Variants in AKAP13 observed in about 807,000 individuals in gnomAD.
AKAP13 encodes the protein A-kinase anchoring protein 13, also known as A-kinase anchor protein 13.
In AKAP13, 80 loss-of-function variants were observed where a neutral mutation model predicts 264.5. The observed-to-expected ratio is 0.30, with a 90% CI of 0.25 to 0.36. The LOEUF (loss-of-function observed/expected upper bound fraction) is 0.36, where lower values mean the gene tolerates loss of function less well. AKAP13 is among the 10% of genes least tolerant of loss of function. The pLI is 1.00. For synonymous variants in AKAP13, 1,380 were observed against 1,250.2 expected, an observed-to-expected ratio of 1.10 and a Z score of -2.19; for missense variants, 3,712 against 3,435.2, an observed-to-expected ratio of 1.08 and a Z score of -2.01.
At chr15:85,690,475 T>G (rs999874307) in intron 16 of AKAP13, among the ~76,000 whole-genome samples, 1 of 152,242 alleles carries the variant, frequency 6.6e-6, no homozygotes, top group African/African-American at 2.4e-5. Flanking sequence ...CTTTAGTGAT[T>G]ACCAATTTTC....
intron 8 of AKAP13, among the ~76,000 whole-genome samples, chr15:85,631,199 A>G (rs2081781430): frequency 6.6e-6 from 1 of 152,186 alleles, no homozygotes; most frequent in Admixed American, 6.5e-5. Flanking sequence ...GTGTGACTCT[A>G]TTTGTATGAA....
chr15:85,505,905 A>T (rs1185194677), intron 2 of AKAP13, among the ~76,000 whole-genome samples: 1 of 152,214 alleles, frequency 6.6e-6, no homozygotes, highest in African/African-American at 2.4e-5. Flanking sequence ...CTTAAGGGCA[A>T]CTGAGCTAAA....
intron 2 of AKAP13, among the ~76,000 whole-genome samples, chr15:85,510,663 A>G (rs1000837464): frequency 6.6e-6 from 1 of 152,244 alleles, no homozygotes; most frequent in African/African-American, 2.4e-5. Context: ...ACAGATGAAC[A>G]ATTATATCTT....
At chr15:85,642,155 T>G (rs572571474) in intron 9 of AKAP13, among the ~76,000 whole-genome samples, 2 of 152,210 alleles carry the variant, frequency 1.3e-5, no homozygotes, top group Non-Finnish European at 2.9e-5. Flanking sequence ...CTTAACTTCA[T>G]TAGACACATA....
At chr15:85,629,995 G>T (rs1052705654) in intron 8 of AKAP13, among the ~76,000 whole-genome samples, 1 of 151,470 alleles carries the variant, frequency 6.6e-6, no homozygotes, top group Non-Finnish European at 1.5e-5. Flanking sequence ...GCCCAGGCTG[G>T]TCTTGAACTC....
intron 1 of AKAP13, among the ~76,000 whole-genome samples, chr15:85,484,820 G>T (rs1739397625): frequency 1.3e-5 from 2 of 152,150 alleles, no homozygotes; most frequent in South Asian, 4.1e-4. Flanking sequence ...TTGTTATTTT[G>T]TCTGTGTTTT....
intron 1 of AKAP13, among the ~76,000 whole-genome samples, chr15:85,441,948 A>T (rs1321304962): frequency 6.6e-6 from 1 of 152,106 alleles, no homozygotes; most frequent in East Asian, 1.9e-4. Flanking sequence ...GCCCTTTAAG[A>T]AGATATTCAC....
Position 85,746,608 on chromosome 15 carries a change from ACCTGCT to A in AKAP13, c.*1932_*1937del, listed in dbSNP as rs918334865. On this transcript the variant is annotated 3_prime_UTR_variant, in exon 37 of 37. Transcript: ENST00000394518. ...CTTCAGAAACAGACCAAAGGCCAAAACCTGCTGATTTTTCTATTGAAAATATGTCCC... is the reference window on the plus strand; with the variant it reads ...CTTCAGAAACAGACCAAAGGCCAAAAGATTTTTCTATTGAAAATATGTCCC... The A allele has an allele frequency of 3.3e-5, 5 of 152,126 alleles. No homozygotes were observed. The highest frequency in any genetic ancestry group is 1.2e-4 in the African/African-American group (5 of 41,408). 9.4% of individuals were successfully genotyped at this position (152,126 alleles called of 1,614,324 possible). A position where few individuals can be genotyped will look rare whatever the true frequency, so the allele number is the denominator to read the frequency against.
intron 1 of AKAP13, among the ~76,000 whole-genome samples, chr15:85,381,247 G>C (rs1032920286): frequency 5.9e-5 from 9 of 152,064 alleles, no homozygotes; most frequent in African/African-American, 2.2e-4. Context: ...CGTGGAGTCC[G>C]CGCCGTGAAC....
rs144106205 is a variant in AKAP13, at chr15:85,747,006, G to A, written c.*2329G>A. 20 of 152,358 alleles carry A rather than the reference G, an allele frequency of 1.3e-4. No individual in the cohort carries two copies. In the East Asian group the frequency reaches 3.9e-3, roughly 29 times the overall value. 9.4% of individuals were successfully genotyped at this position (152,358 alleles called of 1,614,324 possible). A position where few individuals can be genotyped will look rare whatever the true frequency, so the allele number is the denominator to read the frequency against. On this transcript the variant is annotated 3_prime_UTR_variant, in exon 37 of 37. Transcript: ENST00000394518. Reference sequence around the variant, plus strand: ...GGTCTCTTACTCCCCGCCCAGCTGTGATGTTTCATCTGCTTTGGTTGTTTT... The same window carrying A: ...GGTCTCTTACTCCCCGCCCAGCTGTAATGTTTCATCTGCTTTGGTTGTTTT...
In AKAP13 at chr15:85,645,937, A is replaced by G; in HGVS notation, c.4357A>G (p.Ser1453Gly). The G allele has an allele frequency of 6.2e-7, 1 of 1,613,626 alleles. No homozygotes were observed. Among genetic ancestry groups the G allele is most frequent in the Non-Finnish European group, 8.5e-7 (1 of 1,179,916 alleles). The change falls in exon 10 of 37, where the codon AGC (serine) becomes GGC (glycine). Residue 1453 changes from serine (S) to glycine (G), a missense_variant. Around this residue, in one of 3 missense-constraint regions of AKAP13, gnomAD observed 2,759 missense variants for 2,411.7 expected, o/e 1.14. Transcript: ENST00000394518. ...TCACTCACCCAGTGATGACATGGACAGCATCATCTTCCCAAAGGTACTGTG... is the reference window on the plus strand; with the variant it reads ...TCACTCACCCAGTGATGACATGGACGGCATCATCTTCCCAAAGGTACTGTG... Reference protein sequence around the residue: ...LFHSPSDDMDSIIFPKPEEEH... With the variant: ...LFHSPSDDMDGIIFPKPEEEH...
intron 8 of AKAP13, among the ~76,000 whole-genome samples, chr15:85,587,637 C>A (rs1370584012): frequency 6.6e-6 from 1 of 151,990 alleles, no homozygotes; most frequent in African/African-American, 2.4e-5. Context: ...AAGCTATTAA[C>A]TTTTATTTTA....
intron 1 of AKAP13, chr15:85,481,161 G>C (rs1716446014): frequency 6.6e-6 from 1 of 152,130 alleles, no homozygotes; most frequent in Admixed American, 6.5e-5. Flanking sequence ...TCATGCCTGA[G>C]TTTCTCTGTG....
At chr15:85,563,329 GT>G (rs1184437606) in intron 5 of AKAP13, among the ~76,000 whole-genome samples, 2,300 of 54,246 alleles carry the variant, frequency 0.042, 63 homozygotes, top group African/African-American at 0.091. Context: ...GAATGTGCTT[GT>G]TTTTTTTTTT....
chr15:85,430,776 C>T (rs2072992851), intron 1 of AKAP13, among the ~76,000 whole-genome samples: 1 of 152,160 alleles, frequency 6.6e-6, no homozygotes, highest in South Asian at 2.1e-4. Flanking sequence ...TGTACATTGG[C>T]CTAATATTTA....
chr15:85,736,265 G>A (rs2088493103), intron 33 of AKAP13, 131 bp downstream of exon 33: 10 of 704,270 alleles, frequency 1.4e-5, no homozygotes, highest in Middle Eastern at 4.0e-4. Flanking sequence ...TCATCTGTAT[G>A]TGTAAACAAT....
chr15:85,465,032 C>T (rs7402791), intron 1 of AKAP13, among the ~76,000 whole-genome samples: 81,744 of 151,552 alleles, frequency 0.54, 22,743 homozygotes, highest in Admixed American at 0.64. Flanking sequence ...GCTCCGCCTC[C>T]TGGGTTCATG....
chr15:85,481,573 G>T (rs886717148), intron 1 of AKAP13, among the ~76,000 whole-genome samples: 2 of 152,334 alleles, frequency 1.3e-5, no homozygotes, highest in African/African-American at 2.4e-5. Context: ...AGTGGAAAAT[G>T]TGGGAAGAAT....
chr15:85,715,890 T>A lies in AKAP13; in HGVS notation c.5702T>A (p.Leu1901His), dbSNP rs1413672990. ...ANRRSQQSVS[L>H]SKSVSIQNIT... ...AGACGATCCCAGCAGAGTGTCTCGC[T>A]CTCCAAAAGTGTCTCCATACAGAAC... The change falls in exon 20 of 37, where the codon CTC becomes CAC. Residue 1901 changes from leucine to histidine, a missense_variant. Leu to His is a moderately conservative substitution (Grantham distance 99). Coordinates refer to ENST00000394518, the MANE Select transcript of AKAP13 (RefSeq NM_007200.5). The A allele has an allele frequency of 6.2e-7, 1 of 1,612,490 alleles. No individual in the cohort carries two copies. The highest frequency in any genetic ancestry group is 8.5e-7 in the Non-Finnish European group (1 of 1,179,686).
Sources: allele counts gnomAD v4.1 joint callset (sites outside exome capture counted in the v4.1 genomes callset), GRCh38; gene constraint gnomAD v4.1.1; regional missense constraint gnomAD v4.1.1; transcripts MANE v1.5; gene names NCBI Gene and HGNC (gene_info 2026-07-23, HGNC 2026-07-21).